The following NSMCE2 variants were observed in gnomAD, a reference collection of about 807,000 sequenced individuals.
NSMCE2 encodes E3 SUMO-protein ligase NSE2.
NSMCE2 carries 24 observed loss-of-function variants against 23.8 expected under a neutral mutation model. That is an observed-to-expected ratio of 1.01 (90% CI 0.73 to 1.42). NSMCE2 has a LOEUF of 1.42. Among genes scored for constraint, NSMCE2 ranks in the 40% most tolerant of loss-of-function variants. The pLI, the probability that NSMCE2 is intolerant of heterozygous loss-of-function variation, is 0.00. For synonymous variants in NSMCE2, 92 were observed against 94.1 expected (o/e 0.98, Z 0.13); for missense variants, 284 against 296.5 (o/e 0.96, Z 0.31).
rs770577665 is a variant in NSMCE2, at chr8:125,311,091, T to C, written c.419-46128T>C. On this transcript the variant is annotated intron_variant, in intron 5 of 7. Coordinates refer to ENST00000287437, the MANE Select transcript of NSMCE2 (RefSeq NM_173685.4). ...CAGTAATTACTGCTTTCAAACTGTG[T>C]TTGTGTAACCTGGGGAAAGATTTTG... 3.9e-5 allele frequency among the ~76,000 whole-genome samples: 6 copies of C among 152,330 alleles called. No homozygotes were observed. In the East Asian group the frequency reaches 7.7e-4, roughly 20 times the overall value.
intron 4 of NSMCE2, among the ~76,000 whole-genome samples, chr8:125,152,603 A>T (rs1821093405): frequency 6.6e-6 from 1 of 152,226 alleles, no homozygotes; most frequent in South Asian, 2.1e-4. Context: ...CACTTACTTG[A>T]TAAGCCTTTC....
chr8:125,286,438 A>T (rs1827904392), intron 5 of NSMCE2, among the ~76,000 whole-genome samples: 1 of 150,370 alleles, frequency 6.7e-6, no homozygotes, highest in African/African-American at 2.5e-5. Context: ...TCAGCCTCCC[A>T]AGTAGCTGGG....
chr8:125,248,835 G>T (rs1826094813), intron 5 of NSMCE2, among the ~76,000 whole-genome samples: 1 of 152,176 alleles, frequency 6.6e-6, no homozygotes, highest in South Asian at 2.1e-4. Flanking sequence ...AGACACAGAG[G>T]ATCATAGTAG....
At chr8:125,235,300 AT>A (rs915727354) in intron 5 of NSMCE2, among the ~76,000 whole-genome samples, 1 of 151,238 alleles carries the variant, frequency 6.6e-6, no homozygotes, top group African/African-American at 2.4e-5. Context: ...ATATTCCTGC[AT>A]TTTTTTCTTC....
At chr8:125,347,344 C>G (rs1311874349) in intron 5 of NSMCE2, among the ~76,000 whole-genome samples, 1 of 152,152 alleles carries the variant, frequency 6.6e-6, no homozygotes, top group African/African-American at 2.4e-5. Flanking sequence ...TCACACCTCC[C>G]TGGAGAGCCT....
chr8:125,121,431 A>G (rs1819256971), intron 3 of NSMCE2, among the ~76,000 whole-genome samples: 1 of 152,204 alleles, frequency 6.6e-6, no homozygotes, highest in African/African-American at 2.4e-5. Flanking sequence ...TTAGCATTTT[A>G]TGTTGATCAG....
intron 1 of NSMCE2, among the ~76,000 whole-genome samples, chr8:125,095,058 C>G (rs2130303515): frequency 6.6e-6 from 1 of 152,208 alleles, no homozygotes; most frequent in South Asian, 2.1e-4. Flanking sequence ...ACTTTATTGC[C>G]TGGGCTGGTC....
chr8:125,323,066 T>C (rs1829518040), intron 5 of NSMCE2, among the ~76,000 whole-genome samples: 1 of 152,002 alleles, frequency 6.6e-6, no homozygotes, highest in African/African-American at 2.4e-5. Flanking sequence ...CTCAGAAAAA[T>C]ATATGTATAT....
chr8:125,332,009 C>T (rs1829898499), intron 5 of NSMCE2, among the ~76,000 whole-genome samples: 1 of 152,150 alleles, frequency 6.6e-6, no homozygotes, highest in African/African-American at 2.4e-5. Flanking sequence ...CTCACAACAT[C>T]CCTGCCATGT....
chr8:125,366,946 G>C lies in NSMCE2; in HGVS notation c.*61G>C. 1 of 945,254 alleles carries C rather than the reference G, an allele frequency of 1.1e-6. No individual in the cohort carries two copies. Among genetic ancestry groups the C allele is most frequent in the South Asian group, 1.3e-5 (1 of 76,014 alleles). The allele number at this position is 945,254 out of a possible 1,614,324, so 58.6% of individuals were successfully genotyped here. ...ACCTCCTACCCCAGCTGTCTGTTGA[G>C]AGCAGTGCTGACCCCAGCAGTTAGG... On this transcript the variant is annotated 3_prime_UTR_variant, in exon 8 of 8. Transcript: ENST00000287437.
chr8:125,231,210 C>T (rs1825308041), intron 5 of NSMCE2, among the ~76,000 whole-genome samples: 1 of 152,200 alleles, frequency 6.6e-6, no homozygotes, highest in Non-Finnish European at 1.5e-5. Context: ...AGTTGTTTTA[C>T]AGGTAGCAGT....
At chr8:125,148,908 G>A (rs764420134) in intron 3 of NSMCE2, among the ~76,000 whole-genome samples, 1 of 152,042 alleles carries the variant, frequency 6.6e-6, no homozygotes, top group Non-Finnish European at 1.5e-5. Context: ...CATTACATTA[G>A]GATGTAAGTT....
chr8:125,366,343 A>G (rs1334633693), intron 7 of NSMCE2, among the ~76,000 whole-genome samples: 1 of 152,180 alleles, frequency 6.6e-6, no homozygotes, highest in Non-Finnish European at 1.5e-5. Context: ...GATCGAGACC[A>G]TCCTGGCTAA....
intron 3 of NSMCE2, among the ~76,000 whole-genome samples, chr8:125,140,378 A>AT (rs1174381094): frequency 6.6e-6 from 1 of 152,152 alleles, no homozygotes; most frequent in Non-Finnish European, 1.5e-5. Context: ...ATAATCATAT[A>AT]AAGGCCAGGC....
Position 125,102,500 on chromosome 8 carries a change from A to G in NSMCE2, c.157+13A>G. On this transcript the variant is annotated intron_variant, in intron 3 of 7. Transcript: ENST00000287437. ...GTGGAAAGTCAGAGTAAGTAAAATT[A>G]AAACCTCTTTTGTGTCTACTTTGAG... The G allele has an allele frequency of 1.2e-6, 2 of 1,609,656 alleles. No homozygotes were observed. Among genetic ancestry groups the G allele is most frequent in the South Asian group, 2.2e-5 (2 of 90,968 alleles).
chr8:125,146,631 C>G (rs62529099), intron 3 of NSMCE2, among the ~76,000 whole-genome samples: 8 of 152,226 alleles, frequency 5.3e-5, no homozygotes, highest in African/African-American at 1.9e-4. Flanking sequence ...TCATTCTCAG[C>G]AAACTATCGC....
intron 4 of NSMCE2, among the ~76,000 whole-genome samples, chr8:125,179,261 A>C (rs1450289506): frequency 2.0e-5 from 3 of 152,154 alleles, no homozygotes; most frequent in African/African-American, 7.2e-5. Context: ...AAATTTGACC[A>C]AGGAAGTTAA....
rs117777830 is a variant in NSMCE2 at position 125,355,212 on chromosome 8, A to G, written c.419-2007A>G. The stretch of plus-strand genomic sequence containing the variant: ...GTGATGGCCCACAGTCATCAGTTCT[A>G]TGGAACCGAAAGGTATGCCACACCA... On this transcript the variant is annotated intron_variant, in intron 5 of 7. Coordinates refer to ENST00000287437, the MANE Select transcript of NSMCE2 (RefSeq NM_173685.4). Among the ~76,000 whole-genome samples, 284 of 152,348 alleles carry G rather than the reference A, an allele frequency of 1.9e-3. 5 individuals carry two copies. The East Asian group carries it at 0.045, about 24-fold the overall frequency.
At chr8:125,103,037 G>C (rs1818273997) in intron 3 of NSMCE2, among the ~76,000 whole-genome samples, 2 of 152,174 alleles carry the variant, frequency 1.3e-5, no homozygotes, top group African/African-American at 4.8e-5. Context: ...GGAGGCCGAG[G>C]CCGGCAGATC....
Sources: allele counts gnomAD v4.1 joint callset (sites outside exome capture counted in the v4.1 genomes callset), GRCh38; gene constraint gnomAD v4.1.1; transcripts MANE v1.5; gene names NCBI Gene and HGNC (gene_info 2026-07-23, HGNC 2026-07-21).